Variants in PITPNM2 observed in about 807,000 individuals in gnomAD.
The protein encoded by PITPNM2 is phosphatidylinositol transfer protein membrane associated 2.
In PITPNM2, 35 loss-of-function variants were observed where a neutral mutation model predicts 132.2. The ratio of observed to expected loss-of-function variants is 0.26; its 90% CI spans 0.20 to 0.35. The LOEUF (loss-of-function observed/expected upper bound fraction) is 0.35, where lower values mean the gene tolerates loss of function less well. PITPNM2 is among the 10% of genes least tolerant of loss of function. PITPNM2 has a pLI of 1.00. For missense variants in PITPNM2, 1,332 were observed against 1,912.0 expected, an observed-to-expected ratio of 0.70 and a Z score of 5.66; for synonymous variants, 738 against 799.2, an observed-to-expected ratio of 0.92 and a Z score of 1.29.
At chr12:123,148,811 T>C (rs1321339008) in intron 1 of PITPNM2, among the ~76,000 whole-genome samples, 1 of 152,114 alleles carries the variant, frequency 6.6e-6, no homozygotes, top group African/African-American at 2.4e-5. Flanking sequence ...ATAAGGGCCA[T>C]TCTGTGTGGC....
rs544255635 is a variant in PITPNM2, at chr12:123,097,423, A to T, written c.-96+12962T>A. ...AGCCCACTTTTCTGCACAGTCCTCA[A>T]GAGGCCAGCACCTCCTTTCCTCTCC... On this transcript the variant is annotated intron_variant, in intron 2 of 25. Transcript: ENST00000320201. The surrounding 1 kb of genome is among the most constrained non-coding windows in gnomAD (Gnocchi z 4.7). Among the ~76,000 whole-genome samples the T allele has an allele frequency of 1.4e-4, 21 of 152,292 alleles. No individual in the cohort carries two copies. In the South Asian group the frequency reaches 4.1e-3, roughly 30 times the overall value.
chr12:123,018,650 T>C (rs568520002), intron 3 of PITPNM2, among the ~76,000 whole-genome samples: 2 of 152,274 alleles, frequency 1.3e-5, no homozygotes, highest in East Asian at 3.9e-4. Flanking sequence ...AGTCTCACTA[T>C]GTTGCCCAGG....
intron 3 of PITPNM2, among the ~76,000 whole-genome samples, chr12:123,019,954 G>C (rs1218798450): frequency 6.6e-6 from 1 of 152,190 alleles, no homozygotes; most frequent in South Asian, 2.1e-4. Context: ...GCTGGGTAGG[G>C]AGGCAGGTGA....
intron 2 of PITPNM2, chr12:123,090,231 G>C (rs797006603): frequency 1.1e-4 from 17 of 152,280 alleles, no homozygotes; most frequent in African/African-American, 4.1e-4. Context: ...TGATAAGTTA[G>C]TACATGGTTT....
chr12:123,078,126 G>A lies in PITPNM2; in HGVS notation c.-96+32259C>T, dbSNP rs2041849390. ...GCGGAGAGGGAGGGCGGGAAGGAGG[G>A]AGAATTGATTTTCTCTCCTCCACTG... On this transcript the variant is annotated intron_variant, in intron 2 of 25. Coordinates refer to ENST00000320201, the MANE Select transcript of PITPNM2 (RefSeq NM_020845.3). The surrounding 1 kb of genome is among the most constrained non-coding windows in gnomAD (Gnocchi z 7.3). Among the ~76,000 whole-genome samples the A allele has an allele frequency of 6.6e-6, 1 of 152,184 alleles. No individual in the cohort carries two copies. The highest frequency in any genetic ancestry group is 1.5e-5 in the Non-Finnish European group (1 of 68,028).
chr12:123,030,795 A>C (rs2040061642), intron 3 of PITPNM2, among the ~76,000 whole-genome samples: 1 of 152,234 alleles, frequency 6.6e-6, no homozygotes, highest in Non-Finnish European at 1.5e-5. Flanking sequence ...ATACAGTGGA[A>C]TATGATTCAG....
At chr12:123,091,667 G>A (rs1483955260) in intron 2 of PITPNM2, 2 of 152,172 alleles carry the variant, frequency 1.3e-5, no homozygotes, top group African/African-American at 2.4e-5. Context: ...CTGATATTTT[G>A]GAAGAGGCAA....
chr12:123,071,793 G>A (rs1407135388), intron 2 of PITPNM2, among the ~76,000 whole-genome samples: 1 of 152,114 alleles, frequency 6.6e-6, no homozygotes, highest in African/African-American at 2.4e-5. Flanking sequence ...AGGAAACTGA[G>A]GTGCAATGGG....
chr12:123,067,463 AC>A (rs1324909826), intron 2 of PITPNM2, among the ~76,000 whole-genome samples: 78 of 142,180 alleles, frequency 5.5e-4, no homozygotes, highest in African/African-American at 1.8e-3. Flanking sequence ...TCACACACAC[AC>A]ACACACACAC....
Position 123,083,397 on chromosome 12 carries a change from T to C in PITPNM2, c.-96+26988A>G, listed in dbSNP as rs2042020200. 1 of 152,208 alleles carries C rather than the reference T, an allele frequency of 6.6e-6. No individual in the cohort carries two copies. 9.4% of individuals were successfully genotyped at this position (152,208 alleles called of 1,614,324 possible). ...CCTGTATAGGTCAATGCCTCAAATG[T>C]CTGTGCCTGGCCTGGAGTTATGTCC... On this transcript the variant is annotated intron_variant, in intron 2 of 25. Transcript: ENST00000320201. The surrounding 1 kb of genome is among the most constrained non-coding windows in gnomAD (Gnocchi z 4.5).
rs1418835583 is a variant in PITPNM2, at chr12:123,083,666, C to T, written c.-96+26719G>A. ...GAGGTGACAATGTGCCCTGGAGCCT[C>T]ACAAGGCAGCAGCCACCAGGAAGAG... is the stretch of plus-strand genomic sequence containing the variant. On this transcript the variant is annotated intron_variant, in intron 2 of 25. Coordinates refer to ENST00000320201, the MANE Select transcript of PITPNM2 (RefSeq NM_020845.3). The surrounding 1 kb of genome is among the most constrained non-coding windows in gnomAD (Gnocchi z 4.5). 1 of 152,434 alleles carries T rather than the reference C, an allele frequency of 6.6e-6. No homozygotes were observed. Among genetic ancestry groups the T allele is most frequent in the Non-Finnish European group, 1.5e-5 (1 of 68,252 alleles). The allele number at this position is 152,434 out of a possible 1,614,324, so 9.4% of individuals were successfully genotyped here. A position where few individuals can be genotyped will look rare whatever the true frequency, so the allele number is the denominator to read the frequency against.
Position 123,106,026 on chromosome 12 carries a change from C to T in PITPNM2, c.-96+4359G>A, listed in dbSNP as rs1015531819. ...AAGTGAAACAGACCCATGCCCATCC[C>T]CCTGCAAGCATGGTATGCCTGCGCA... On this transcript the variant is annotated intron_variant, in intron 2 of 25. Transcript: ENST00000320201. The surrounding 1 kb of genome is among the most constrained non-coding windows in gnomAD (Gnocchi z 4.4). Among the ~76,000 whole-genome samples, 1 of 152,148 alleles carries T rather than the reference C, an allele frequency of 6.6e-6. No individual in the cohort carries two copies. The highest frequency in any genetic ancestry group is 1.5e-5 in the Non-Finnish European group (1 of 68,020).
At chr12:122,998,620 G>A (rs1156683685) in intron 10 of PITPNM2, among the ~76,000 whole-genome samples, 2 of 152,204 alleles carry the variant, frequency 1.3e-5, no homozygotes, top group South Asian at 2.1e-4. Flanking sequence ...GGGGTGTGGG[G>A]GCAGGGAAGG....
intron 14 of PITPNM2, 91 bp from the exon 15 acceptor site, chr12:122,995,070 T>G: frequency 2.9e-6 from 4 of 1,367,598 alleles, no homozygotes; most frequent in Non-Finnish European, 3.9e-6. Flanking sequence ...CCAACCTCTC[T>G]CGGGGGCCCA....
intron 2 of PITPNM2, among the ~76,000 whole-genome samples, chr12:123,068,327 T>C (rs982494370): frequency 5.9e-5 from 9 of 151,770 alleles, no homozygotes; most frequent in Non-Finnish European, 1.2e-4. Flanking sequence ...ATTAGCCGGG[T>C]GAGGTGGCTA....
Position 123,000,836 on chromosome 12 carries a change from C to A in PITPNM2, c.1166G>T (p.Arg389Leu), listed in dbSNP as rs369790981. The A allele has an allele frequency of 5.0e-6, 8 of 1,614,066 alleles. No individual in the cohort carries two copies. Among genetic ancestry groups the A allele is most frequent in the Non-Finnish European group, 6.8e-6 (8 of 1,180,038 alleles). ...EPEDTQDGLY[R>L]QGAPEFRVAS... ...CACCCTGAACTCAGGGGCACCCTGGCGGTACAGACCATCTGCAAAGACACA... is the reference window on the plus strand; with the variant it reads ...CACCCTGAACTCAGGGGCACCCTGGAGGTACAGACCATCTGCAAAGACACA... The change falls in exon 10 of 26, where the codon CGC becomes CTC. Residue 389 changes from arginine (R) to leucine (L), a missense_variant. By Grantham distance (102) the Arg-to-Leu change is moderately radical (BLOSUM62 -2). Transcript: ENST00000320201. This position sits in a 1 kb window ranked among gnomAD's most constrained non-coding sequence, Gnocchi z 5.4.
At chr12:123,055,497 T>C (rs530615305) in intron 2 of PITPNM2, among the ~76,000 whole-genome samples, 1 of 152,234 alleles carries the variant, frequency 6.6e-6, no homozygotes, top group Admixed American at 6.5e-5. Flanking sequence ...CCAAGCTGGC[T>C]GGGTGCTAAA....
chr12:123,029,793 T>C (rs914379845), intron 3 of PITPNM2, among the ~76,000 whole-genome samples: 1 of 151,394 alleles, frequency 6.6e-6, no homozygotes. Context: ...TGTGCTTGCA[T>C]GTACATATGT....
At chr12:123,051,795 C>T (rs1161493412) in intron 2 of PITPNM2, among the ~76,000 whole-genome samples, 1 of 152,160 alleles carries the variant, frequency 6.6e-6, no homozygotes, top group African/African-American at 2.4e-5. Flanking sequence ...GCTATATTTG[C>T]TCCAGCAAAT....
Sources: allele counts gnomAD v4.1 joint callset (sites outside exome capture counted in the v4.1 genomes callset), GRCh38; gene constraint gnomAD v4.1.1; non-coding constraint Gnocchi (gnomAD v3.1); transcripts MANE v1.5; gene names NCBI Gene and HGNC (gene_info 2026-07-23, HGNC 2026-07-21).